Variants in WIPF2 observed in about 807,000 individuals in gnomAD.
WIPF2 encodes WAS/WASL-interacting protein family member 2.
In WIPF2, 23 loss-of-function variants were observed where a neutral mutation model predicts 38.8. That is an observed-to-expected ratio of 0.59 (90% CI 0.43 to 0.84). The LOEUF (loss-of-function observed/expected upper bound fraction) is 0.84. Among genes scored for constraint, WIPF2 ranks in the 40% least tolerant of loss-of-function variants. The pLI is 0.00. For synonymous variants in WIPF2, 210 were observed against 223.2 expected, an observed-to-expected ratio of 0.94 and a Z score of 0.53; for missense variants, 574 against 580.5, an observed-to-expected ratio of 0.99 and a Z score of 0.11.
At chr17:40,240,727 G>C (rs550112041) in intron 1 of WIPF2, among the ~76,000 whole-genome samples, 1 of 151,560 alleles carries the variant, frequency 6.6e-6, no homozygotes, top group African/African-American at 2.4e-5. Context: ...GGCAGATCAC[G>C]AGGTCAGGAG....
Position 40,279,217 on chromosome 17 carries a change from C to T in WIPF2, c.*992C>T, listed in dbSNP as rs2032493445. On this transcript the variant is annotated 3_prime_UTR_variant, in exon 8 of 8. Coordinates refer to ENST00000323571, the MANE Select transcript of WIPF2 (RefSeq NM_133264.5). ...GTTGTCAGTGGCTCTTTCTGTCCTT[C>T]AGCCCCTGGAAGGTGCTCCAGGATA... is the stretch of plus-strand genomic sequence containing the variant. 1 of 152,272 alleles carries T rather than the reference C, an allele frequency of 6.6e-6. No individual in the cohort carries two copies. The highest frequency in any genetic ancestry group is 2.1e-4 in the South Asian group (1 of 4,838). The allele number at this position is 152,272 out of a possible 1,614,324, so 9.4% of individuals were successfully genotyped here. A position where few individuals can be genotyped will look rare whatever the true frequency, so the allele number is the denominator to read the frequency against.
intron 2 of WIPF2, among the ~76,000 whole-genome samples, chr17:40,257,888 G>A (rs570194341): frequency 3.3e-5 from 5 of 152,294 alleles, no homozygotes; most frequent in African/African-American, 1.2e-4. Context: ...GTGCTTATAT[G>A]TGTATGTTAA....
intron 1 of WIPF2, among the ~76,000 whole-genome samples, chr17:40,239,095 G>A (rs886546452): frequency 2.5e-5 from 3 of 121,728 alleles, no homozygotes; most frequent in Admixed American, 8.3e-5. Context: ...TATTTGAGAC[G>A]GAGTCTCGCT....
chr17:40,260,998 C>T (rs560476560), intron 3 of WIPF2, among the ~76,000 whole-genome samples: 22 of 148,826 alleles, frequency 1.5e-4, no homozygotes, highest in Middle Eastern at 3.5e-3. Flanking sequence ...TGCACTCCAG[C>T]CTGGGCAACA....
Position 40,239,363 on chromosome 17 carries a change from G to A in WIPF2, c.-69-17028G>A, listed in dbSNP as rs551415576. ...TGGGATTACAGGCGTGATCCACTGC[G>A]CCCAGCCTTGGCTTCTGTTTATTTT... is the stretch of plus-strand genomic sequence containing the variant. On this transcript the variant is annotated intron_variant, in intron 1 of 7. Transcript: ENST00000323571. Among the ~76,000 whole-genome samples, 269 of 152,154 alleles carry A rather than the reference G, an allele frequency of 1.8e-3. 3 individuals carry two copies. Among genetic ancestry groups the A allele is most frequent in the African/African-American group, 3.7e-3 (153 of 41,504 alleles).
At position 40,264,746 on chromosome 17, in the gene WIPF2, C is replaced by A. The variant is rs1406796340; in HGVS notation, c.570C>A (p.Pro190=). Residue 190 remains proline, a synonymous_variant, in exon 5 of 8, where the codon CCC becomes CCA. Transcript: ENST00000323571. Reference sequence around the variant, plus strand: ...CAGGGCGGCGTGCCAACGCACCCCCCACACCTCTGCCTATGCACAGCAGCA... The same window carrying A: ...CAGGGCGGCGTGCCAACGCACCCCCAACACCTCTGCCTATGCACAGCAGCA... ...PPPGRRANAP[P]TPLPMHSSKA... 4.4e-6 allele frequency: 7 copies of A among 1,608,488 alleles called. No homozygotes were observed. Among genetic ancestry groups the A allele is most frequent in the African/African-American group, 1.3e-5 (1 of 74,946 alleles).
chr17:40,252,594 G>A (rs1437525532), intron 1 of WIPF2, among the ~76,000 whole-genome samples: 1 of 151,084 alleles, frequency 6.6e-6, no homozygotes, highest in Non-Finnish European at 1.5e-5. Flanking sequence ...AACCTGGGAG[G>A]AAGAGGTTGC....
intron 1 of WIPF2, among the ~76,000 whole-genome samples, chr17:40,253,357 C>T (rs372263870): frequency 2.6e-5 from 4 of 152,204 alleles, no homozygotes; most frequent in South Asian, 4.2e-4. Context: ...CCACCGCGCC[C>T]GGCCTATTTT....
At position 40,280,807 on chromosome 17, in the gene WIPF2, AT is replaced by A. The variant is rs944324329; in HGVS notation, c.*2584del. 5 of 152,436 alleles carry A rather than the reference AT, an allele frequency of 3.3e-5. No individual in the cohort carries two copies. The highest frequency in any genetic ancestry group is 9.7e-5 in the African/African-American group (4 of 41,356). 9.4% of individuals were successfully genotyped at this position (152,436 alleles called of 1,614,324 possible). A position where few individuals can be genotyped will look rare whatever the true frequency, so the allele number is the denominator to read the frequency against. ...CTTGGACTGTGTCACATGGGTATTG[AT>A]TGTATACTTGTTGTCTTGGCCTCAT... On this transcript the variant is annotated 3_prime_UTR_variant, in exon 8 of 8. Coordinates refer to ENST00000323571, the MANE Select transcript of WIPF2 (RefSeq NM_133264.5).
chr17:40,262,914 C>G (rs2031957445), intron 4 of WIPF2, among the ~76,000 whole-genome samples: 1 of 152,156 alleles, frequency 6.6e-6, no homozygotes, highest in Non-Finnish European at 1.5e-5. Flanking sequence ...TATGGATGAA[C>G]TTGGAGGACA....
chr17:40,267,521 C>A (rs1255039790), intron 5 of WIPF2, among the ~76,000 whole-genome samples: 1 of 152,050 alleles, frequency 6.6e-6, no homozygotes, highest in Non-Finnish European at 1.5e-5. Flanking sequence ...CAAACAGCTT[C>A]TTGGCCTTTA....
chr17:40,239,307 G>A (rs1598474425), intron 1 of WIPF2, among the ~76,000 whole-genome samples: 1 of 151,304 alleles, frequency 6.6e-6, no homozygotes, highest in Non-Finnish European at 1.5e-5. Context: ...TCCTGACCTC[G>A]TGATCCGCCC....
intron 5 of WIPF2, among the ~76,000 whole-genome samples, chr17:40,271,181 G>T (rs574985433): frequency 2.0e-5 from 3 of 152,204 alleles, no homozygotes; most frequent in African/African-American, 7.2e-5. Context: ...TCATCATGTT[G>T]CCCAGGCTGA....
chr17:40,265,416 G>T (rs150040399), intron 5 of WIPF2, among the ~76,000 whole-genome samples: 1 of 152,202 alleles, frequency 6.6e-6, no homozygotes, highest in African/African-American at 2.4e-5. Context: ...ATACTGGGGC[G>T]GAGGTCGGGA....
intron 4 of WIPF2, among the ~76,000 whole-genome samples, chr17:40,263,171 C>A (rs1187089863): frequency 6.6e-6 from 1 of 151,982 alleles, no homozygotes; most frequent in Non-Finnish European, 1.5e-5. Flanking sequence ...TTTTTGGCAC[C>A]AGGGACTGGT....
Position 40,282,461 on chromosome 17 carries a change from G to A in WIPF2, c.*4236G>A, listed in dbSNP as rs767786592. ...GAATGACACGTGTGCGTGCGCACGC[G>A]TGTGCGTGTGTGTGTTCATCTGTCT... On this transcript the variant is annotated 3_prime_UTR_variant, in exon 8 of 8. Coordinates refer to ENST00000323571, the MANE Select transcript of WIPF2 (RefSeq NM_133264.5). 1 of 151,546 alleles carries A rather than the reference G, an allele frequency of 6.6e-6. No homozygotes were observed. The highest frequency in any genetic ancestry group is 6.6e-5 in the Admixed American group (1 of 15,264). 9.4% of individuals were successfully genotyped at this position (151,546 alleles called of 1,614,324 possible). A position where few individuals can be genotyped will look rare whatever the true frequency, so the allele number is the denominator to read the frequency against.
chr17:40,262,459 C>G, intron 3 of WIPF2, 66 bp from the exon 4 acceptor site: 2 of 1,313,852 alleles, frequency 1.5e-6, no homozygotes, highest in East Asian at 2.3e-5. Context: ...GTGGTTTCCC[C>G]TCATGATTTA....
intron 1 of WIPF2, among the ~76,000 whole-genome samples, chr17:40,225,732 C>T (rs190723553): frequency 9.4e-4 from 143 of 152,238 alleles, no homozygotes; most frequent in Non-Finnish European, 1.9e-3. Context: ...GATCTGTAGC[C>T]TCGACCTCCC....
chr17:40,251,665 G>T (rs569180562), intron 1 of WIPF2, among the ~76,000 whole-genome samples: 2 of 152,328 alleles, frequency 1.3e-5, no homozygotes, highest in Non-Finnish European at 2.9e-5. Context: ...AAGAAGTCAG[G>T]AGACCTGGAT....
Sources: allele counts gnomAD v4.1 joint callset (sites outside exome capture counted in the v4.1 genomes callset), GRCh38; gene constraint gnomAD v4.1.1; transcripts MANE v1.5; gene names NCBI Gene and HGNC (gene_info 2026-07-23, HGNC 2026-07-21).